Variants in PLPP4 observed in about 807,000 individuals in gnomAD.
PLPP4 encodes the protein diacylglycerol pyrophosphate like 2.
A neutral mutation model predicts 32.2 loss-of-function variants in PLPP4; 20 were observed. The observed-to-expected ratio is 0.62, with a 90% CI of 0.44 to 0.90. The LOEUF is 0.90. Among genes scored for constraint, PLPP4 ranks in the 40% least tolerant of loss-of-function variants. PLPP4 has a pLI of 0.00. For missense variants in PLPP4, 257 were observed against 353.1 expected, an observed-to-expected ratio of 0.73 and a Z score of 2.18; for synonymous variants, 127 against 133.0, an observed-to-expected ratio of 0.95 and a Z score of 0.31.
chr10:120,548,769 T>C (rs1847751496), intron 5 of PLPP4, among the ~76,000 whole-genome samples: 1 of 152,142 alleles, frequency 6.6e-6, no homozygotes, highest in South Asian at 2.1e-4. Context: ...GTAACCACTC[T>C]GACTGTCATG....
chr10:120,578,842 G>T (rs1849346531), intron 6 of PLPP4, among the ~76,000 whole-genome samples: 1 of 152,194 alleles, frequency 6.6e-6, no homozygotes, highest in Non-Finnish European at 1.5e-5. Flanking sequence ...ATTCTGGCTT[G>T]CAGGTCAACT....
intron 2 of PLPP4, among the ~76,000 whole-genome samples, chr10:120,510,314 G>T (rs1845673690): frequency 6.6e-6 from 1 of 152,168 alleles, no homozygotes; most frequent in Non-Finnish European, 1.5e-5. Context: ...TCAGGTCTCA[G>T]TTAATAAGCT....
At chr10:120,457,957 C>G (rs1847868155) in intron 1 of PLPP4, among the ~76,000 whole-genome samples, 1 of 152,238 alleles carries the variant, frequency 6.6e-6, no homozygotes, top group African/African-American at 2.4e-5. Flanking sequence ...AGCTCTGTGC[C>G]CGGTCGATGT....
At chr10:120,503,437 T>C (rs895726650) in intron 1 of PLPP4, 5 of 1,005,262 alleles carry the variant, frequency 5.0e-6, no homozygotes, top group African/African-American at 3.2e-5. Flanking sequence ...AGTTACTCCC[T>C]CCCTTATGTT....
intron 5 of PLPP4, among the ~76,000 whole-genome samples, chr10:120,526,142 T>G (rs1400515411): frequency 6.6e-6 from 1 of 152,136 alleles, no homozygotes; most frequent in African/African-American, 2.4e-5. Flanking sequence ...TCTATAGAAT[T>G]TTTATTATGA....
At chr10:120,458,290 C>A (rs1369683230) in intron 1 of PLPP4, among the ~76,000 whole-genome samples, 1 of 152,210 alleles carries the variant, frequency 6.6e-6, no homozygotes, top group African/African-American at 2.4e-5. Flanking sequence ...CAAATTCTCT[C>A]CCCCTCTCTG....
intron 6 of PLPP4, chr10:120,587,409 A>G (rs1369614484): frequency 1.3e-5 from 2 of 152,342 alleles, no homozygotes; most frequent in African/African-American, 4.8e-5. Flanking sequence ...CATCACGGAC[A>G]TGTCTAAAAT....
At chr10:120,556,469 G>A (rs913308746) in intron 5 of PLPP4, among the ~76,000 whole-genome samples, 1 of 152,184 alleles carries the variant, frequency 6.6e-6, no homozygotes, top group African/African-American at 2.4e-5. Flanking sequence ...GATTTCTTGG[G>A]CAGTAGGCCA....
At chr10:120,552,312 T>C (rs1047777581) in intron 5 of PLPP4, among the ~76,000 whole-genome samples, 10 of 152,158 alleles carry the variant, frequency 6.6e-5, no homozygotes, top group African/African-American at 1.9e-4. Context: ...GGCATCTTTC[T>C]CTAAACTCAG....
intron 1 of PLPP4, among the ~76,000 whole-genome samples, chr10:120,479,055 T>C (rs1299938282): frequency 1.3e-5 from 2 of 152,064 alleles, no homozygotes; most frequent in East Asian, 1.9e-4. Context: ...TGAAACCCCA[T>C]CTCTACTAAA....
chr10:120,480,772 T>C (rs990142060), intron 1 of PLPP4, among the ~76,000 whole-genome samples: 2 of 152,216 alleles, frequency 1.3e-5, no homozygotes, highest in Non-Finnish European at 2.9e-5. Context: ...ACACTGCTCC[T>C]GCCCCCTTGT....
At chr10:120,561,945 G>A (rs1354238484) in intron 5 of PLPP4, among the ~76,000 whole-genome samples, 2 of 152,184 alleles carry the variant, frequency 1.3e-5, no homozygotes, top group African/African-American at 2.4e-5. Context: ...CTTCGGAAGT[G>A]TCTTAGCTAT....
chr10:120,560,260 A>G lies in PLPP4; in HGVS notation c.446-14871A>G, dbSNP rs573810901. Among the ~76,000 whole-genome samples the G allele has an allele frequency of 2.6e-5, 4 of 151,656 alleles. No homozygotes were observed. In the East Asian group the frequency reaches 5.8e-4, roughly 22 times the overall value. On this transcript the variant is annotated intron_variant, in intron 5 of 6. Transcript: ENST00000398250. ...AGTCAAACTGTACTGACTATGCACTATAGGTTGAGGTCTGTAACTGTGGTT... is the reference window on the plus strand; with the variant it reads ...AGTCAAACTGTACTGACTATGCACTGTAGGTTGAGGTCTGTAACTGTGGTT...
intron 1 of PLPP4, among the ~76,000 whole-genome samples, chr10:120,461,828 A>G (rs1848064159): frequency 6.6e-6 from 1 of 152,220 alleles, no homozygotes; most frequent in Admixed American, 6.5e-5. Flanking sequence ...AGGTGCAAGC[A>G]TTTGTGATAG....
At chr10:120,562,638 G>A (rs989100319) in intron 5 of PLPP4, among the ~76,000 whole-genome samples, 60 of 152,248 alleles carry the variant, frequency 3.9e-4, no homozygotes, top group African/African-American at 1.3e-3. Flanking sequence ...AAAAAAAAGT[G>A]ATACTTTCCC....
At chr10:120,473,005 A>G (rs533013867) in intron 1 of PLPP4, among the ~76,000 whole-genome samples, 18 of 152,194 alleles carry the variant, frequency 1.2e-4, no homozygotes, top group African/African-American at 4.1e-4. Context: ...CATTGTGTTC[A>G]TCTTTCCCTA....
chr10:120,561,825 T>G (rs1848450066), intron 5 of PLPP4, among the ~76,000 whole-genome samples: 2 of 152,336 alleles, frequency 1.3e-5, no homozygotes, highest in South Asian at 4.1e-4. Flanking sequence ...TATTTACATT[T>G]CATTGGCAGA....
At chr10:120,529,989 CT>C (rs1300241250) in intron 5 of PLPP4, among the ~76,000 whole-genome samples, 1 of 152,098 alleles carries the variant, frequency 6.6e-6, no homozygotes, top group Admixed American at 6.5e-5. Flanking sequence ...TTTCTTTCAA[CT>C]TTTTATTATA....
intron 5 of PLPP4, among the ~76,000 whole-genome samples, chr10:120,535,525 T>C (rs1846976014): frequency 1.3e-5 from 2 of 152,266 alleles, no homozygotes; most frequent in South Asian, 2.1e-4. Flanking sequence ...TCTTATTCTA[T>C]CGGTCACTGA....
Sources: gnomAD v4.1 joint callset for allele counts (sites outside exome capture counted in the v4.1 genomes callset) on GRCh38, gnomAD v4.1.1 for gene constraint, MANE v1.5 for transcripts, NCBI Gene and HGNC (gene_info 2026-07-23, HGNC 2026-07-21) for gene names.